PTPRN2: variants seen among roughly 807,000 people sequenced by gnomAD.
PTPRN2 encodes receptor-type tyrosine-protein phosphatase N2.
PTPRN2 carries 74 observed loss-of-function variants against 118.8 expected under a neutral mutation model. That is an observed-to-expected ratio of 0.62 (90% CI 0.52 to 0.76). The LOEUF is 0.76. PTPRN2 is among the 30% of genes least tolerant of loss of function. PTPRN2 has a pLI of 0.00. For synonymous variants in PTPRN2, 641 were observed against 608.0 expected (o/e 1.05, Z -0.80); for missense variants, 1,481 against 1,394.4 (o/e 1.06, Z -0.99).
In PTPRN2 at chr7:157,730,471, C is replaced by T. The variant is rs900809359; in HGVS notation, c.1789-47534G>A. Among the ~76,000 whole-genome samples the T allele has an allele frequency of 3.9e-5, 6 of 152,220 alleles. No individual in the cohort carries two copies. The South Asian group carries it at 6.2e-4, about 16-fold the overall frequency. ...TGGGGTTCCTGGGCAAGAGGTCGCA[C>T]GCCTGGCCGAGGTGGTGCCCCAGGG... On this transcript the variant is annotated intron_variant, in intron 12 of 22. Coordinates refer to ENST00000389418, the MANE Select transcript of PTPRN2 (RefSeq NM_002847.5).
At chr7:158,150,333 C>T (rs1440689660) in intron 6 of PTPRN2, among the ~76,000 whole-genome samples, 1 of 152,212 alleles carries the variant, frequency 6.6e-6, no homozygotes, top group African/African-American at 2.4e-5. Context: ...CAAGCATGTT[C>T]CATTTCTGAG....
intron 3 of PTPRN2, among the ~76,000 whole-genome samples, chr7:158,255,207 G>A (rs1796946311): frequency 6.6e-6 from 1 of 152,208 alleles, no homozygotes; most frequent in South Asian, 2.1e-4. Flanking sequence ...TACCCAACAA[G>A]ATCACCAAGG....
At chr7:158,564,886 T>A (rs934998618) in intron 1 of PTPRN2, among the ~76,000 whole-genome samples, 5 of 152,118 alleles carry the variant, frequency 3.3e-5, no homozygotes, top group Non-Finnish European at 5.9e-5. Context: ...TAAAGAGAAA[T>A]GTGTGCAAAT....
At chr7:157,954,592 T>G (rs935698423) in intron 11 of PTPRN2, among the ~76,000 whole-genome samples, 1 of 148,104 alleles carries the variant, frequency 6.8e-6, no homozygotes, top group African/African-American at 2.6e-5. Flanking sequence ...GTACTGTGTG[T>G]GGTGTGTGTG....
At chr7:158,247,021 CCTGGG>C (rs1213152248) in intron 3 of PTPRN2, among the ~76,000 whole-genome samples, 1 of 152,210 alleles carries the variant, frequency 6.6e-6, no homozygotes, top group East Asian at 1.9e-4. Flanking sequence ...CCATGCCAGG[CCTGGG>C]CTGGGAGACA....
intron 2 of PTPRN2, among the ~76,000 whole-genome samples, chr7:158,363,524 G>A (rs758631870): frequency 2.0e-5 from 3 of 152,208 alleles, no homozygotes; most frequent in Non-Finnish European, 2.9e-5. Context: ...CCTGGTGAGC[G>A]CTTTCCTGAC....
chr7:158,402,796 G>A (rs1405746102), intron 2 of PTPRN2, among the ~76,000 whole-genome samples: 2 of 152,220 alleles, frequency 1.3e-5, no homozygotes, highest in South Asian at 2.1e-4. Flanking sequence ...TGGTCCCACG[G>A]TGGAGGGACA....
At chr7:158,379,928 CAA>C (rs1185506846) in intron 2 of PTPRN2, among the ~76,000 whole-genome samples, 2 of 152,080 alleles carry the variant, frequency 1.3e-5, no homozygotes, top group African/African-American at 2.4e-5. Flanking sequence ...TGACAGCAGG[CAA>C]AGAGAGCTTG....
intron 14 of PTPRN2, among the ~76,000 whole-genome samples, chr7:157,648,705 C>T (rs199930390): frequency 1.4e-5 from 2 of 145,630 alleles, no homozygotes; most frequent in South Asian, 2.3e-4. Flanking sequence ...GTGGGTCAGA[C>T]CCATTCACTG....
chr7:157,910,847 A>G (rs540632337), intron 11 of PTPRN2, among the ~76,000 whole-genome samples: 50 of 152,374 alleles, frequency 3.3e-4, no homozygotes, highest in African/African-American at 1.1e-3. Context: ...ATCATTTTAC[A>G]TCAAGTCATC....
chr7:158,359,256 G>A lies in PTPRN2; in HGVS notation c.164-42324C>T, dbSNP rs139829720. On this transcript the variant is annotated intron_variant, in intron 2 of 22. Transcript: ENST00000389418. The stretch of plus-strand genomic sequence containing the variant: ...GTCTACAGAGGCGACCATCACTAAC[G>A]TTGAAAATGTCTTGGCTTCTGATTT... Among the ~76,000 whole-genome samples, 434 of 152,338 alleles carry A rather than the reference G, an allele frequency of 2.8e-3. 1 individual carries two copies. Among genetic ancestry groups the A allele is most frequent in the Non-Finnish European group, 5.4e-3 (366 of 68,034 alleles).
At chr7:158,196,928 T>A (rs971791513) in intron 4 of PTPRN2, among the ~76,000 whole-genome samples, 1 of 152,086 alleles carries the variant, frequency 6.6e-6, no homozygotes, top group Non-Finnish European at 1.5e-5. Flanking sequence ...CCAGCAGAGC[T>A]CCACAATGAG....
intron 11 of PTPRN2, among the ~76,000 whole-genome samples, chr7:157,972,560 C>T (rs1484505869): frequency 1.5e-4 from 9 of 59,474 alleles, no homozygotes; most frequent in South Asian, 1.0e-3. Context: ...CTCCACACCA[C>T]GAGAGCAGGG....
intron 20 of PTPRN2, among the ~76,000 whole-genome samples, chr7:157,571,011 G>A (rs1585046110): frequency 1.3e-5 from 2 of 152,234 alleles, no homozygotes; most frequent in East Asian, 1.9e-4. Context: ...TTGGGAGGCC[G>A]AGGTCGGTGG....
At chr7:158,455,671 C>T (rs1252961387) in intron 2 of PTPRN2, among the ~76,000 whole-genome samples, 43 of 126,208 alleles carry the variant, frequency 3.4e-4, no homozygotes, top group Non-Finnish European at 5.6e-4. Flanking sequence ...CGGACGCCAT[C>T]GGCCACGGCC....
At position 157,547,833 on chromosome 7, in the gene PTPRN2, C is replaced by T. The variant is rs115114023; in HGVS notation, c.2976+1113G>A. ...AGAGACGTTCCACAAAGAGCAAGGC[C>T]GCTGGCGCTCTAGAAGACCTCACAG... On this transcript the variant is annotated intron_variant, in intron 22 of 22. Coordinates refer to ENST00000389418, the MANE Select transcript of PTPRN2 (RefSeq NM_002847.5). Among the ~76,000 whole-genome samples, 1,466 of 152,298 alleles carry T rather than the reference C, an allele frequency of 9.6e-3. 17 individuals are homozygous for T. Among genetic ancestry groups the T allele is most frequent in the African/African-American group, 0.034 (1,411 of 41,552 alleles).
At position 157,579,972 on chromosome 7, in the gene PTPRN2, C is replaced by T. The variant is rs561547892; in HGVS notation, c.2497-1832G>A. Among the ~76,000 whole-genome samples the T allele has an allele frequency of 3.9e-5, 6 of 152,292 alleles. No homozygotes were observed. The East Asian group carries it at 7.7e-4, about 20-fold the overall frequency. ...TCCATCTGTTTCCAGCCTTCAACAG[C>T]GCGCCTGACCAGATAACCTCAGAAT... On this transcript the variant is annotated intron_variant, in intron 17 of 22. Coordinates refer to ENST00000389418, the MANE Select transcript of PTPRN2 (RefSeq NM_002847.5).
At chr7:158,311,081 A>G (rs2151073994) in intron 3 of PTPRN2, among the ~76,000 whole-genome samples, 1 of 152,290 alleles carries the variant, frequency 6.6e-6, no homozygotes, top group South Asian at 2.1e-4. Flanking sequence ...AAAACAAGAC[A>G]GGCGAGCACA....
chr7:158,200,523 A>G (rs915277854), intron 4 of PTPRN2, among the ~76,000 whole-genome samples: 1 of 152,218 alleles, frequency 6.6e-6, no homozygotes, highest in African/African-American at 2.4e-5. Flanking sequence ...AAGTAATACA[A>G]TTGACACATT....
Sources: gnomAD v4.1 joint callset for allele counts (sites outside exome capture counted in the v4.1 genomes callset) on GRCh38, gnomAD v4.1.1 for gene constraint, MANE v1.5 for transcripts, NCBI Gene and HGNC (gene_info 2026-07-23, HGNC 2026-07-21) for gene names.